The following TBL1XR1 variants were observed in gnomAD, a reference collection of about 807,000 sequenced individuals.
The protein encoded by TBL1XR1 is TBL1X/Y related 1.
Under a neutral mutation model 66.9 loss-of-function variants are expected in TBL1XR1, and 5 were observed. That is an observed-to-expected ratio of 0.07 (90% CI 0.04 to 0.16). TBL1XR1 has a LOEUF of 0.16. Among genes scored for constraint, TBL1XR1 ranks in the 10% least tolerant of loss-of-function variants. TBL1XR1 has a pLI of 1.00. For missense variants in TBL1XR1, 238 were observed against 623.2 expected, an observed-to-expected ratio of 0.38 and a Z score of 6.58; for synonymous variants, 210 against 206.0, an observed-to-expected ratio of 1.02 and a Z score of -0.17.
intron 1 of TBL1XR1, among the ~76,000 whole-genome samples, chr3:177,113,800 C>T (rs1725948369): frequency 6.6e-6 from 1 of 151,994 alleles, no homozygotes; most frequent in Non-Finnish European, 1.5e-5. Flanking sequence ...AAATCAAAAC[C>T]ACAATGAAAT....
At chr3:177,079,198 G>A (rs951234260) in intron 2 of TBL1XR1, among the ~76,000 whole-genome samples, 4 of 151,696 alleles carry the variant, frequency 2.6e-5, no homozygotes, top group African/African-American at 7.3e-5. Context: ...TTGGAAGGCC[G>A]AGGTGGGTGG....
chr3:177,133,322 C>G (rs535281457), intron 1 of TBL1XR1, among the ~76,000 whole-genome samples: 52 of 151,994 alleles, frequency 3.4e-4, no homozygotes, highest in Non-Finnish European at 5.1e-4. Context: ...AATAAATAAA[C>G]GAATCCACAA....
At chr3:177,164,545 T>C (rs528464642) in intron 1 of TBL1XR1, among the ~76,000 whole-genome samples, 1 of 152,178 alleles carries the variant, frequency 6.6e-6, no homozygotes, top group East Asian at 1.9e-4. Flanking sequence ...AGATGGGGTT[T>C]CCCCATCTTG....
intron 1 of TBL1XR1, among the ~76,000 whole-genome samples, chr3:177,158,765 A>G (rs924600768): frequency 2.6e-5 from 4 of 152,158 alleles, no homozygotes; most frequent in Non-Finnish European, 4.4e-5. Context: ...CCTCTAGATT[A>G]AAGAAAATTG....
Position 177,038,314 on chromosome 3 carries a change from G to T in TBL1XR1, c.1046C>A (p.Thr349Lys), listed in dbSNP as rs755938084. Residue 349 changes from threonine (T) to lysine (K), a missense_variant and splice_region_variant, in exon 11 of 16, where the codon ACG (threonine) becomes AAG (lysine). Thr to Lys is a moderately conservative substitution (Grantham distance 78). This residue lies in a region of TBL1XR1 where 89 missense variants were observed against 220.2 expected (regional missense o/e 0.40). Transcript: ENST00000457928. ...TAATGTGGAAAAAAGGTTTCTTACC[G>T]TATGTCCTTGGAATGTTTTAATAGG... ...DRPIKTFQGH[T>K]NEVNAIKWDP... 6.3e-7 allele frequency: 1 copy of T among 1,595,640 alleles called. No homozygotes were observed. The highest frequency in any genetic ancestry group is 8.5e-7 in the Non-Finnish European group (1 of 1,169,892).
chr3:177,045,103 T>G (rs1716145457), intron 10 of TBL1XR1: 1 of 152,108 alleles, frequency 6.6e-6, no homozygotes, highest in South Asian at 2.1e-4. Context: ...GCACCTTATT[T>G]TGGCTTGTTT....
At chr3:177,089,993 C>T (rs976321114) in intron 2 of TBL1XR1, among the ~76,000 whole-genome samples, 5 of 152,144 alleles carry the variant, frequency 3.3e-5, no homozygotes, top group South Asian at 2.1e-4. Flanking sequence ...GAGGGAACCT[C>T]GTATATTGCT....
At chr3:177,134,871 T>G (rs117844782) in intron 1 of TBL1XR1, among the ~76,000 whole-genome samples, 1,648 of 152,080 alleles carry the variant, frequency 0.011, 28 homozygotes, top group Non-Finnish European at 0.011. Flanking sequence ...CTAACGGGTA[T>G]ACAGTAAAAA....
At chr3:177,178,261 T>C (rs946267710) in intron 1 of TBL1XR1, among the ~76,000 whole-genome samples, 1 of 152,114 alleles carries the variant, frequency 6.6e-6, no homozygotes, top group East Asian at 1.9e-4. Context: ...ATACTGAGTG[T>C]GATCAAAAAC....
chr3:177,077,145 C>T (rs1285958559), intron 2 of TBL1XR1, among the ~76,000 whole-genome samples: 2 of 152,180 alleles, frequency 1.3e-5, no homozygotes, highest in Non-Finnish European at 2.9e-5. Context: ...TGTCTACTAA[C>T]AAAGAACACT....
At chr3:177,141,466 CAA>C (rs67534583) in intron 1 of TBL1XR1, among the ~76,000 whole-genome samples, 2,546 of 152,292 alleles carry the variant, frequency 0.017, 74 homozygotes, top group East Asian at 0.057. Context: ...CATATGATCT[CAA>C]GTGTTATTAA....
chr3:177,126,266 A>C (rs1009270554), intron 1 of TBL1XR1: 1 of 151,162 alleles, frequency 6.6e-6, no homozygotes, highest in Non-Finnish European at 1.5e-5. Flanking sequence ...TGCATTTCCA[A>C]CAAGTTAGCA....
intron 1 of TBL1XR1, among the ~76,000 whole-genome samples, chr3:177,134,971 G>GTGTCTGTGTGTC (rs1553852564): frequency 2.7e-5 from 4 of 146,068 alleles, no homozygotes; most frequent in East Asian, 4.3e-4. Context: ...GTGTGTCTGT[G>GTGTCTGTGTGTC]TGTGTGTCTG....
intron 2 of TBL1XR1, among the ~76,000 whole-genome samples, chr3:177,086,736 C>T (rs1342325222): frequency 6.6e-6 from 1 of 151,540 alleles, no homozygotes; most frequent in East Asian, 2.0e-4. Context: ...ACAGTTGACC[C>T]TTGTACAAAG....
At chr3:177,200,478 C>T (rs1038804880), upstream of TBL1XR1, among the ~76,000 whole-genome samples, 4 of 152,128 alleles carry the variant, frequency 2.6e-5, no homozygotes, top group African/African-American at 9.7e-5. Flanking sequence ...TATGTATTGT[C>T]GCCTCGCCCT....
intron 1 of TBL1XR1, among the ~76,000 whole-genome samples, chr3:177,155,317 C>G (rs1327341204): frequency 2.0e-5 from 3 of 152,090 alleles, no homozygotes; most frequent in African/African-American, 7.2e-5. Context: ...CTAAACTGAT[C>G]AAGATTTGTA....
At chr3:177,046,340 T>C (rs1434772196) in intron 9 of TBL1XR1, among the ~76,000 whole-genome samples, 151 bp from the exon 10 acceptor site, 1 of 152,198 alleles carries the variant, frequency 6.6e-6, no homozygotes, top group Non-Finnish European at 1.5e-5. Context: ...CAAGGCTATA[T>C]ACTTTGGGAG....
At chr3:177,118,222 C>T (rs773780629) in intron 1 of TBL1XR1, among the ~76,000 whole-genome samples, 3 of 152,190 alleles carry the variant, frequency 2.0e-5, no homozygotes, top group East Asian at 3.8e-4. Context: ...CAAAATCACT[C>T]GATCTTTTCA....
intron 2 of TBL1XR1, among the ~76,000 whole-genome samples, chr3:177,094,555 A>C (rs540540407): frequency 1.6e-4 from 24 of 152,370 alleles, no homozygotes; most frequent in Admixed American, 1.5e-3. Context: ...TGCAACTGCA[A>C]AACTATGGAA....
Sources: gnomAD v4.1 joint callset for allele counts (sites outside exome capture counted in the v4.1 genomes callset) on GRCh38, gnomAD v4.1.1 for gene constraint, gnomAD v4.1.1 regional missense constraint, MANE v1.5 for transcripts, NCBI Gene and HGNC (gene_info 2026-07-23, HGNC 2026-07-21) for gene names.